The following TASP1 variants were observed in gnomAD, a reference collection of about 807,000 sequenced individuals.
TASP1 encodes threonine aspartase 1.
TASP1 carries 16 observed loss-of-function variants against 56.6 expected under a neutral mutation model. The observed-to-expected ratio is 0.28, with a 90% CI of 0.19 to 0.43. TASP1 has a LOEUF of 0.43. Among genes scored for constraint, TASP1 ranks in the 20% least tolerant of loss-of-function variants. The pLI is 1.00. For synonymous variants in TASP1, 179 were observed against 184.2 expected (o/e 0.97, Z 0.23); for missense variants, 393 against 511.6 (o/e 0.77, Z 2.24).
intron 10 of TASP1, among the ~76,000 whole-genome samples, chr20:13,517,250 T>C (rs1307917403): frequency 6.6e-6 from 1 of 152,138 alleles, no homozygotes; most frequent in Non-Finnish European, 1.5e-5. Flanking sequence ...ATGTTTTTAA[T>C]TCTCTCTTAT....
the TASP1 span, among the ~76,000 whole-genome samples, chr20:13,211,540 A>G: frequency 6.6e-6 from 1 of 152,068 alleles, no homozygotes; most frequent in Non-Finnish European, 1.5e-5. Context: ...TATTCAATTC[A>G]CTCAGTACTT....
intron 11 of TASP1, among the ~76,000 whole-genome samples, chr20:13,474,141 T>G (rs1016295528): frequency 6.6e-6 from 1 of 152,172 alleles, no homozygotes; most frequent in Admixed American, 6.5e-5. Flanking sequence ...TTCAATAGTT[T>G]TGGGGTTTGG....
chr20:13,250,993 C>A, the TASP1 span, among the ~76,000 whole-genome samples: 1 of 152,192 alleles, frequency 6.6e-6, no homozygotes, highest in East Asian at 1.9e-4. Flanking sequence ...TTTTAATATT[C>A]ATGACCTGGA....
intron 11 of TASP1, among the ~76,000 whole-genome samples, chr20:13,462,768 C>A (rs1217471283): frequency 6.6e-6 from 1 of 151,984 alleles, no homozygotes; most frequent in East Asian, 1.9e-4. Flanking sequence ...GGGAAAAATC[C>A]ATTTACAATA....
At chr20:13,467,452 T>C (rs1600888563) in intron 11 of TASP1, among the ~76,000 whole-genome samples, 2 of 152,212 alleles carry the variant, frequency 1.3e-5, no homozygotes, top group East Asian at 3.9e-4. Flanking sequence ...TCCCAAATTA[T>C]TTTGTTTAAA....
At chr20:13,517,348 A>G (rs2044579383) in intron 10 of TASP1, among the ~76,000 whole-genome samples, 2 of 152,148 alleles carry the variant, frequency 1.3e-5, no homozygotes, top group Non-Finnish European at 2.9e-5. Flanking sequence ...CTTGCTGAGG[A>G]GCAAAATACA....
chr20:13,620,072 C>T (rs1484030825), intron 4 of TASP1, among the ~76,000 whole-genome samples: 4 of 152,156 alleles, frequency 2.6e-5, no homozygotes, highest in African/African-American at 9.7e-5. Context: ...GCACCCGCCC[C>T]TCCTTTACTT....
intron 11 of TASP1, among the ~76,000 whole-genome samples, chr20:13,439,175 T>C (rs532352699): frequency 1.5e-4 from 23 of 152,338 alleles, no homozygotes; most frequent in Admixed American, 1.4e-3. Context: ...CAAAGGATTA[T>C]AGATCATGCT....
At chr20:13,634,728 C>CAAA (rs559609508) in intron 1 of TASP1, among the ~76,000 whole-genome samples, 1 of 53,398 alleles carries the variant, frequency 1.9e-5, no homozygotes, top group Non-Finnish European at 3.8e-5. Context: ...AAACTCCGTC[C>CAAA]AAAAAAAAAA....
At chr20:13,134,610 G>T in the TASP1 span, among the ~76,000 whole-genome samples, 1 of 152,132 alleles carries the variant, frequency 6.6e-6, no homozygotes, top group Admixed American at 6.5e-5. Context: ...TGAATCAGCT[G>T]TTTTAACCAT....
chr20:13,569,408 T>C (rs1292274464), intron 7 of TASP1, 99 bp downstream of exon 7: 1 of 859,618 alleles, frequency 1.2e-6, no homozygotes, highest in Non-Finnish European at 1.7e-6. Context: ...ATAAGTATTC[T>C]TCCATAAATA....
rs569268879 is a variant in TASP1, at chr20:13,602,667, A to G, written c.283-15297T>C. ...TCAGATCATCAGGCATTAGATTCTTATAAGGAGCATGCAACCTAGATCCCT... is the reference window on the plus strand; with the variant it reads ...TCAGATCATCAGGCATTAGATTCTTGTAAGGAGCATGCAACCTAGATCCCT... On this transcript the variant is annotated intron_variant, in intron 4 of 13. Transcript: ENST00000337743. 1.1e-4 allele frequency among the ~76,000 whole-genome samples: 16 copies of G among 152,256 alleles called. No homozygotes were observed. The South Asian group carries it at 3.1e-3, about 30-fold the overall frequency.
intron 13 of TASP1, 138 bp from the exon 14 acceptor site, chr20:13,390,590 A>G (rs45489891): frequency 0.027 from 17,722 of 649,644 alleles, 342 homozygotes; most frequent in African/African-American, 0.057. Context: ...CACAGACTGT[A>G]CCACTGGTAA....
intron 10 of TASP1, among the ~76,000 whole-genome samples, chr20:13,504,821 G>A (rs1406798305): frequency 6.6e-6 from 1 of 151,938 alleles, no homozygotes; most frequent in African/African-American, 2.4e-5. Flanking sequence ...ATGTTTCATA[G>A]TAACTACAAA....
the TASP1 span, among the ~76,000 whole-genome samples, chr20:13,331,019 A>G: frequency 1.3e-5 from 2 of 152,186 alleles, no homozygotes; most frequent in African/African-American, 2.4e-5. Flanking sequence ...AGTTTTTACT[A>G]TATCTGCATG....
At chr20:13,344,040 C>A in the TASP1 span, among the ~76,000 whole-genome samples, 16,571 of 152,056 alleles carry the variant, frequency 0.11, 1,041 homozygotes, top group Admixed American at 0.2. Flanking sequence ...CCTACCTTCT[C>A]CCTTTTCTCA....
chr20:13,285,058 A>G, the TASP1 span, among the ~76,000 whole-genome samples: 1 of 152,206 alleles, frequency 6.6e-6, no homozygotes. Flanking sequence ...AGGCCAAGGC[A>G]GGAGGATTGC....
At chr20:13,487,513 A>T (rs1423770396) in intron 10 of TASP1, among the ~76,000 whole-genome samples, 1 of 152,104 alleles carries the variant, frequency 6.6e-6, no homozygotes, top group Admixed American at 6.6e-5. Context: ...CGGCCAGGTC[A>T]TCTCACATTA....
At chr20:13,495,997 A>T (rs1254839014) in intron 10 of TASP1, among the ~76,000 whole-genome samples, 1 of 152,164 alleles carries the variant, frequency 6.6e-6, no homozygotes, top group Non-Finnish European at 1.5e-5. Flanking sequence ...AATTTTATTT[A>T]AAAATCTATA....
Sources: gnomAD v4.1 joint callset for allele counts (sites outside exome capture counted in the v4.1 genomes callset) on GRCh38, gnomAD v4.1.1 for gene constraint, MANE v1.5 for transcripts, NCBI Gene and HGNC (gene_info 2026-07-23, HGNC 2026-07-21) for gene names.